DNAJB6: variants seen among roughly 807,000 people sequenced by gnomAD.
DNAJB6 encodes dnaJ homolog subfamily B member 6.
DNAJB6 carries 16 observed loss-of-function variants against 42.7 expected under a neutral mutation model. That is an observed-to-expected ratio of 0.37 (90% CI 0.25 to 0.57). DNAJB6 has a LOEUF of 0.57. DNAJB6 is among the 20% of genes least tolerant of loss of function. DNAJB6 has a pLI of 0.74. For missense variants in DNAJB6, 347 were observed against 416.8 expected, an observed-to-expected ratio of 0.83 and a Z score of 1.46; for synonymous variants, 170 against 163.5, an observed-to-expected ratio of 1.04 and a Z score of -0.30.
intron 1 of DNAJB6, among the ~76,000 whole-genome samples, chr7:157,348,450 T>C (rs12154713): frequency 0.41 from 61,896 of 152,092 alleles, 14,030 homozygotes; most frequent in Middle Eastern, 0.56. Context: ...GCACCAGTCC[T>C]AGCGTTTGTG....
At chr7:157,382,460 C>T in intron 6 of DNAJB6, 83 bp downstream of exon 6, 4 of 1,448,184 alleles carry the variant, frequency 2.8e-6, no homozygotes, top group African/African-American at 1.4e-5. Context: ...AGTTAGAGTG[C>T]TTTAAAATAT....
chr7:157,347,208 C>A (rs886955344), intron 1 of DNAJB6, among the ~76,000 whole-genome samples: 2 of 152,134 alleles, frequency 1.3e-5, no homozygotes, highest in African/African-American at 4.8e-5. Context: ...AATTTATATT[C>A]TAAATTTGTT....
chr7:157,380,357 A>G (rs1800693307), intron 5 of DNAJB6: 1 of 152,160 alleles, frequency 6.6e-6, no homozygotes. Flanking sequence ...AAATTCACAA[A>G]ATGTTCCTAG....
In DNAJB6 at chr7:157,369,069, G is replaced by A. The variant is rs1304174689; in HGVS notation, c.346+1586G>A. On this transcript the variant is annotated intron_variant, in intron 5 of 9. Transcript: ENST00000262177. ...GAGAGCCCCTTTCTGAGGGAGGAAG[G>A]ACAGTCAGTGGCCTCAAGCATTTTC... 1.4e-5 allele frequency: 5 copies of A among 361,706 alleles called. No individual in the cohort carries two copies. In the East Asian group the frequency reaches 3.7e-4, roughly 27 times the overall value. The allele number at this position is 361,706 out of a possible 1,614,324, so 22.4% of individuals were successfully genotyped here.
At chr7:157,391,592 G>A (rs1383726620) in intron 8 of DNAJB6, among the ~76,000 whole-genome samples, 1 of 152,238 alleles carries the variant, frequency 6.6e-6, no homozygotes, top group East Asian at 1.9e-4. Context: ...TATCTAGTGA[G>A]TGGCTGGGCA....
intron 1 of DNAJB6, among the ~76,000 whole-genome samples, chr7:157,341,715 C>T (rs983765340): frequency 4.6e-5 from 7 of 152,134 alleles, no homozygotes; most frequent in Non-Finnish European, 7.4e-5. Context: ...TAGGAATGTC[C>T]AGGACACAGA....
chr7:157,377,881 C>T (rs1191525732), intron 5 of DNAJB6, among the ~76,000 whole-genome samples: 2 of 152,200 alleles, frequency 1.3e-5, no homozygotes, highest in African/African-American at 4.8e-5. Context: ...AGAACAAGGT[C>T]ATAGCCACCT....
At chr7:157,354,030 A>G (rs1799147114) in intron 1 of DNAJB6, among the ~76,000 whole-genome samples, 2 of 152,052 alleles carry the variant, frequency 1.3e-5, no homozygotes, top group Non-Finnish European at 2.9e-5. Context: ...AGTATAGTAA[A>G]TTTTTATTTC....
chr7:157,358,696 A>T, intron 2 of DNAJB6, 59 bp downstream of exon 2: 2 of 1,347,700 alleles, frequency 1.5e-6, no homozygotes, highest in Non-Finnish European at 2.1e-6. Flanking sequence ...GTAATTGAGT[A>T]GTATAACTTC....
At chr7:157,355,192 C>T (rs1254150993) in intron 1 of DNAJB6, among the ~76,000 whole-genome samples, 5 of 152,172 alleles carry the variant, frequency 3.3e-5, no homozygotes, top group Non-Finnish European at 4.4e-5. Flanking sequence ...GTCTCACTGT[C>T]GTCCAGGTTG....
rs1205530621 is a variant in DNAJB6 at position 157,357,264 on chromosome 7, G to GTCCTTCCTTCCT, written c.-26-1272_-26-1271insTTCCTTCCTTCC. Among the ~76,000 whole-genome samples, 2 of 38,152 alleles carry GTCCTTCCTTCCT rather than the reference G, an allele frequency of 5.2e-5. 1 individual carries two copies. The highest frequency in any genetic ancestry group is 1.7e-4 in the African/African-American group (2 of 12,046). The allele number at this position is 38,152 out of a possible 152,430, so 25.0% of individuals were successfully genotyped here. A position where few individuals can be genotyped will look rare whatever the true frequency, so the allele number is the denominator to read the frequency against. ...CTTCCTTCCTTCCTTCCTTCCTTCC[G>GTCCTTCCTTCCT]TCCTTCCTTCCGTCCTTCCTTCCGT... On this transcript the variant is annotated intron_variant, in intron 1 of 9. Transcript: ENST00000262177.
chr7:157,361,773 C>CATTT (rs1284735870), intron 2 of DNAJB6, among the ~76,000 whole-genome samples: 1 of 151,988 alleles, frequency 6.6e-6, no homozygotes, highest in Non-Finnish European at 1.5e-5. Context: ...TTCATTCATT[C>CATTT]ATGCATTCAT....
chr7:157,374,051 G>A (rs1800349660), intron 5 of DNAJB6, among the ~76,000 whole-genome samples: 4 of 152,102 alleles, frequency 2.6e-5, no homozygotes, highest in Non-Finnish European at 4.4e-5. Flanking sequence ...AAATGAAACC[G>A]TGATGTACGA....
At chr7:157,337,344 G>C (rs952262903) in intron 1 of DNAJB6, among the ~76,000 whole-genome samples, 200 bp downstream of exon 1, 63 of 151,144 alleles carry the variant, frequency 4.2e-4, no homozygotes, top group Non-Finnish European at 6.7e-4. Context: ...CAGGTCTGGG[G>C]CCGGGGCCGG....
rs963838677 is a variant in DNAJB6, at chr7:157,393,417, T to A, written c.691+7806T>A. On this transcript the variant is annotated intron_variant, in intron 8 of 9. Coordinates refer to ENST00000262177, the MANE Select transcript of DNAJB6 (RefSeq NM_058246.4). ...TTCCAGCAGGCTGATTTTAGTATTT[T>A]ACTGTGTGATTATGTTTCTGAGAAA... Among the ~76,000 whole-genome samples, 7 of 152,380 alleles carry A rather than the reference T, an allele frequency of 4.6e-5. No homozygotes were observed. In the South Asian group the frequency reaches 1.2e-3, roughly 27 times the overall value.
At chr7:157,373,725 C>A (rs958485100) in intron 5 of DNAJB6, among the ~76,000 whole-genome samples, 1 of 152,138 alleles carries the variant, frequency 6.6e-6, no homozygotes, top group Non-Finnish European at 1.5e-5. Flanking sequence ...CAGATTGGAT[C>A]GGTGTGTGCT....
chr7:157,369,483 G>C (rs1475411460), intron 5 of DNAJB6: 2 of 452,352 alleles, frequency 4.4e-6, no homozygotes, highest in African/African-American at 4.0e-5. Context: ...GAGGTGAAAC[G>C]GGCTGTCCTC....
Position 157,372,650 on chromosome 7 carries a change from C to T in DNAJB6, c.346+5167C>T, listed in dbSNP as rs571644541. On this transcript the variant is annotated intron_variant, in intron 5 of 9. Transcript: ENST00000262177. ...GAGGTGGCAGCCCTGAAGCACAGGCCGGGCGTCTCGTAGGCTCTTTCCCTA... is the reference window on the plus strand; with the variant it reads ...GAGGTGGCAGCCCTGAAGCACAGGCTGGGCGTCTCGTAGGCTCTTTCCCTA... 2.6e-5 allele frequency among the ~76,000 whole-genome samples: 4 copies of T among 152,120 alleles called. No individual in the cohort carries two copies. In the East Asian group the frequency reaches 5.8e-4, roughly 22 times the overall value.
intron 5 of DNAJB6, among the ~76,000 whole-genome samples, chr7:157,370,527 A>G (rs933844818): frequency 6.6e-6 from 1 of 152,206 alleles, no homozygotes; most frequent in Non-Finnish European, 1.5e-5. Flanking sequence ...TCCTTGGGGA[A>G]AATAATCTGA....
Sources: gnomAD v4.1 joint callset for allele counts (sites outside exome capture counted in the v4.1 genomes callset) on GRCh38, gnomAD v4.1.1 for gene constraint, MANE v1.5 for transcripts, NCBI Gene and HGNC (gene_info 2026-07-23, HGNC 2026-07-21) for gene names.